DNAH5: variants seen among roughly 807,000 people sequenced by gnomAD.
The protein encoded by DNAH5 is dynein axonemal heavy chain 5, also known as axonemal beta dynein heavy chain 5.
In DNAH5, 372 loss-of-function variants were observed where a neutral mutation model predicts 518.2. That is an observed-to-expected ratio of 0.72 (90% confidence interval 0.66 to 0.78). The LOEUF is 0.78. DNAH5 is among the 30% of genes least tolerant of loss of function. The pLI, the probability that DNAH5 is intolerant of heterozygous loss-of-function variation, is 0.00. For missense variants in DNAH5, 5,523 were observed against 5,687.0 expected (o/e 0.97, Z 0.93); for synonymous variants, 2,039 against 2,025.9 (o/e 1.01, Z -0.17).
intron 50 of DNAH5, 47 bp from the exon 51 acceptor site, chr5:13,788,961 T>A: frequency 6.5e-7 from 1 of 1,545,146 alleles, no homozygotes; most frequent in Non-Finnish European, 8.9e-7. Flanking sequence ...TGTTATGCCG[T>A]AATTGGGAAT....
intron 22 of DNAH5, among the ~76,000 whole-genome samples, chr5:13,872,118 A>G (rs1770205373): frequency 6.6e-6 from 1 of 152,062 alleles, no homozygotes; most frequent in African/African-American, 2.4e-5. Context: ...TGCTATGAAA[A>G]ACATACTCTG....
chr5:13,885,273 A>G (rs1772242848), intron 18 of DNAH5, 45 bp from the exon 19 acceptor site: 2 of 1,604,766 alleles, frequency 1.2e-6, no homozygotes, highest in Non-Finnish European at 1.7e-6. Flanking sequence ...AGTTAGATGG[A>G]TGGATGGATA....
At chr5:13,951,159 T>C (rs543785109) in intron 1 of DNAH5, among the ~76,000 whole-genome samples, 2 of 151,182 alleles carry the variant, frequency 1.3e-5, no homozygotes, top group South Asian at 4.2e-4. Flanking sequence ...GAATATAAAG[T>C]AACAATATTC....
chr5:13,715,120 A>G, intron 74 of DNAH5, among the ~76,000 whole-genome samples: 1 of 152,204 alleles, frequency 6.6e-6, no homozygotes, highest in East Asian at 1.9e-4. Context: ...TGAGAAAGCA[A>G]CAGAGTCAGA....
At chr5:13,964,072 T>C (rs143779775) in intron 1 of DNAH5, among the ~76,000 whole-genome samples, 17 of 152,350 alleles carry the variant, frequency 1.1e-4, no homozygotes, top group African/African-American at 4.1e-4. Flanking sequence ...TAAAACACTG[T>C]CCACAGTAGT....
At chr5:13,859,731 T>C (rs760513470) in intron 29 of DNAH5, 126 bp from the exon 30 acceptor site, 4 of 877,446 alleles carry the variant, frequency 4.6e-6, no homozygotes, top group Admixed American at 2.0e-5. Flanking sequence ...GTTGCTGGCT[T>C]TTAAAGTGAT....
At chr5:13,919,425 ACAAATAAGGAAATCAATTATCCTATC>A in intron 6 of DNAH5, 73 bp from the exon 7 acceptor site, 2 of 1,553,072 alleles carry the variant, frequency 1.3e-6, no homozygotes, top group Non-Finnish European at 1.8e-6. Flanking sequence ...CAAGCAAAAA[ACAAATAAGGAAATCAATTATCCTATC>A]TGGATCATGA....
intron 41 of DNAH5, among the ~76,000 whole-genome samples, chr5:13,820,009 A>G (rs1762005150): frequency 6.6e-6 from 1 of 152,096 alleles, no homozygotes; most frequent in Admixed American, 6.6e-5. Context: ...ATCACTTACC[A>G]TCTTTGTGAC....
chr5:13,927,439 G>T (rs1204754192), intron 3 of DNAH5, among the ~76,000 whole-genome samples: 1 of 152,146 alleles, frequency 6.6e-6, no homozygotes, highest in East Asian at 1.9e-4. Flanking sequence ...ACCCCGGGAG[G>T]TAGAGGTTGC....
chr5:13,945,985 T>C (rs1779880300), upstream of DNAH5, among the ~76,000 whole-genome samples: 1 of 152,132 alleles, frequency 6.6e-6, no homozygotes, highest in African/African-American at 2.4e-5. Context: ...TTGAAGACAG[T>C]ATCTAGACTC....
chr5:14,004,954 C>G (rs1784618421), intron 1 of DNAH5, among the ~76,000 whole-genome samples: 1 of 152,130 alleles, frequency 6.6e-6, no homozygotes, highest in Non-Finnish European at 1.5e-5. Context: ...CCAAACCATC[C>G]CACGCATGCT....
At chr5:13,705,197 T>C (rs1742627196) in intron 76 of DNAH5, among the ~76,000 whole-genome samples, 1 of 152,106 alleles carries the variant, frequency 6.6e-6, no homozygotes, top group African/African-American at 2.4e-5. Context: ...GGTTTCACCG[T>C]GCTAGCCAGG....
intron 45 of DNAH5, among the ~76,000 whole-genome samples, 188 bp from the exon 46 acceptor site, chr5:13,809,374 T>C (rs1364199353): frequency 6.6e-6 from 1 of 152,212 alleles, no homozygotes; most frequent in East Asian, 1.9e-4. Flanking sequence ...AGGAACAATT[T>C]CAAGGTGGTA....
rs556049788 is a variant in DNAH5 at position 13,867,325 on chromosome 5, G to C, written c.4053+449C>G. ...ACTAGGTGGAGGTAACTGAATCATG[G>C]GAGCGGTTTTCCCCATGCTGTTCTC... On this transcript the variant is annotated intron_variant, in intron 25 of 78. Transcript: ENST00000265104. 5.3e-5 allele frequency among the ~76,000 whole-genome samples: 8 copies of C among 152,160 alleles called. No individual in the cohort carries two copies. The South Asian group carries it at 6.2e-4, about 12-fold the overall frequency.
chr5:13,885,942 C>T (rs753520679), intron 18 of DNAH5, 22 bp downstream of exon 18: 2 of 1,606,922 alleles, frequency 1.2e-6, no homozygotes, highest in Non-Finnish European at 1.7e-6. Flanking sequence ...AAACAAGACC[C>T]TTTCATTACC....
At chr5:13,839,234 A>C (rs1033672238) in intron 35 of DNAH5, 122 bp downstream of exon 35, 2 of 866,394 alleles carry the variant, frequency 2.3e-6, no homozygotes, top group African/African-American at 1.7e-5. Flanking sequence ...AAAGCTAAAA[A>C]TACTAAATTT....
intron 53 of DNAH5, among the ~76,000 whole-genome samples, chr5:13,778,807 G>A (rs1454115118): frequency 6.6e-6 from 1 of 152,176 alleles, no homozygotes; most frequent in African/African-American, 2.4e-5. Context: ...AAAGCCTTTA[G>A]AAGTTTGATA....
At chr5:13,996,218 G>C (rs1783935303) in intron 1 of DNAH5, among the ~76,000 whole-genome samples, 1 of 152,008 alleles carries the variant, frequency 6.6e-6, no homozygotes, top group Non-Finnish European at 1.5e-5. Flanking sequence ...TCGCTTCCAT[G>C]CCCCACCTCC....
In DNAH5 at chr5:13,846,255, ATAGG is replaced by A. The variant is rs1024171203; in HGVS notation, c.5115-1266_5115-1263del. Reference sequence around the variant, plus strand: ...ACCCAGGTAATAAGCATAGTACCTGATAGGTAGTTTTCCAATCCTCACCCTCCTG... The same window carrying A: ...ACCCAGGTAATAAGCATAGTACCTGATAGTTTTCCAATCCTCACCCTCCTG... On this transcript the variant is annotated intron_variant, in intron 31 of 78. Coordinates refer to ENST00000265104, the MANE Select transcript of DNAH5 (RefSeq NM_001369.3). 7.9e-5 allele frequency among the ~76,000 whole-genome samples: 12 copies of A among 152,206 alleles called. 1 individual carries two copies. In the East Asian group the frequency reaches 1.7e-3, roughly 22 times the overall value.
Sources: allele counts gnomAD v4.1 joint callset (sites outside exome capture counted in the v4.1 genomes callset), GRCh38; gene constraint gnomAD v4.1.1; transcripts MANE v1.5; gene names NCBI Gene and HGNC (gene_info 2026-07-23, HGNC 2026-07-21).